RPGRIP1L: variants seen among roughly 807,000 people sequenced by gnomAD.
RPGRIP1L encodes protein fantom.
RPGRIP1L carries 131 observed loss-of-function variants against 160.4 expected under a neutral mutation model. The ratio of observed to expected loss-of-function variants is 0.82; its 90% CI spans 0.71 to 0.94. RPGRIP1L has a LOEUF of 0.94. RPGRIP1L is among the 40% of genes least tolerant of loss of function. The pLI is 0.00. For missense variants in RPGRIP1L, 1,522 were observed against 1,535.8 expected (o/e 0.99, Z 0.15); for synonymous variants, 510 against 515.8 (o/e 0.99, Z 0.15).
chr16:53,681,207 G>C (rs1397126771), intron 6 of RPGRIP1L, among the ~76,000 whole-genome samples: 1 of 152,188 alleles, frequency 6.6e-6, no homozygotes, highest in Admixed American at 6.5e-5. Context: ...CAGAGTGTCT[G>C]AGATACTTAT....
intron 2 of RPGRIP1L, among the ~76,000 whole-genome samples, chr16:53,699,203 A>G (rs1971159661): frequency 6.6e-6 from 1 of 151,854 alleles, no homozygotes; most frequent in African/African-American, 2.4e-5. Flanking sequence ...ATGCTCGTTA[A>G]GAGTCATCAC....
At chr16:53,652,186 C>T (rs1042439892) in intron 15 of RPGRIP1L, among the ~76,000 whole-genome samples, 1 of 152,136 alleles carries the variant, frequency 6.6e-6, no homozygotes, top group Non-Finnish European at 1.5e-5. Context: ...AGCAATTCTG[C>T]CTCAGCCTCC....
chr16:53,647,981 T>C (rs1168790817), intron 16 of RPGRIP1L, among the ~76,000 whole-genome samples: 2 of 151,660 alleles, frequency 1.3e-5, no homozygotes, highest in Non-Finnish European at 2.9e-5. Flanking sequence ...GGCAGGTGCC[T>C]GTAGCCTCAG....
intron 1 of RPGRIP1L, 87 bp from the exon 2 acceptor site, chr16:53,700,817 G>T: frequency 1.0e-6 from 1 of 994,152 alleles, no homozygotes; most frequent in Admixed American, 2.0e-5. Flanking sequence ...ACGAAAAAGG[G>T]ACTAGAACTT....
chr16:53,656,577 C>G lies in RPGRIP1L; in HGVS notation c.1594G>C (p.Ala532Pro). The change falls in exon 14 of 27, where the codon GCA becomes CCA. Residue 532 changes from alanine to proline, a missense_variant. Coordinates refer to ENST00000647211, the MANE Select transcript of RPGRIP1L (RefSeq NM_015272.5). ...INKDYQMEVE[A>P]VTRKMENLQQ... ...AAATTTTCCATCTTACGGGTCACTG[C>G]CTCAACCTCCATCTACAAAATAAGG... is the stretch of plus-strand genomic sequence containing the variant. 1 of 1,609,688 alleles carries G rather than the reference C, an allele frequency of 6.2e-7. No homozygotes were observed. The highest frequency in any genetic ancestry group is 8.5e-7 in the Non-Finnish European group (1 of 1,175,986).
At chr16:53,612,691 G>C (rs927177623) in intron 24 of RPGRIP1L, among the ~76,000 whole-genome samples, 2 of 151,956 alleles carry the variant, frequency 1.3e-5, no homozygotes, top group African/African-American at 4.8e-5. Context: ...ACCTAGACCA[G>C]ATTTGATAAA....
chr16:53,673,310 T>C (rs1968896753), intron 7 of RPGRIP1L, among the ~76,000 whole-genome samples: 1 of 152,212 alleles, frequency 6.6e-6, no homozygotes, highest in Non-Finnish European at 1.5e-5. Context: ...AGTAAATTCA[T>C]TTTAACAATA....
chr16:53,653,265 T>TTA (rs1446677282), intron 14 of RPGRIP1L: 1 of 947,252 alleles, frequency 1.1e-6, no homozygotes, highest in East Asian at 1.2e-4. Context: ...AAAAGCGCTC[T>TTA]TAATGAACAG....
chr16:53,617,784 T>A (rs1964471298), intron 24 of RPGRIP1L, among the ~76,000 whole-genome samples: 1 of 152,072 alleles, frequency 6.6e-6, no homozygotes, highest in Non-Finnish European at 1.5e-5. Context: ...TTTCTAAAAA[T>A]GCCAGATGGG....
intron 2 of RPGRIP1L, among the ~76,000 whole-genome samples, chr16:53,697,804 C>T (rs1017842954): frequency 9.2e-5 from 14 of 151,876 alleles, no homozygotes; most frequent in African/African-American, 2.7e-4. Context: ...AAGTGAGGAG[C>T]GTCTCTGCCT....
At chr16:53,608,127 T>G (rs1963800094) in intron 25 of RPGRIP1L, 1 of 173,098 alleles carries the variant, frequency 5.8e-6, no homozygotes, top group Non-Finnish European at 1.1e-5. Flanking sequence ...AGACCAGCCT[T>G]GCTAACCACC....
At chr16:53,682,339 A>G (rs1291742612) in intron 6 of RPGRIP1L, among the ~76,000 whole-genome samples, 1 of 152,164 alleles carries the variant, frequency 6.6e-6, no homozygotes, top group Non-Finnish European at 1.5e-5. Context: ...CAGAGTAAAT[A>G]ATATAGCCCC....
intron 3 of RPGRIP1L, among the ~76,000 whole-genome samples, chr16:53,692,816 T>A (rs1970479982): frequency 6.6e-6 from 1 of 152,152 alleles, no homozygotes; most frequent in African/African-American, 2.4e-5. Context: ...TCTCCAGGAT[T>A]AAGACACACT....
intron 6 of RPGRIP1L, among the ~76,000 whole-genome samples, chr16:53,682,964 CAT>C (rs1300519447): frequency 6.6e-5 from 10 of 152,198 alleles, no homozygotes; most frequent in Admixed American, 6.5e-4. Context: ...TGTCACTAGA[CAT>C]ATAGGATTTC....
At chr16:53,634,299 G>C (rs1965698452) in intron 22 of RPGRIP1L, among the ~76,000 whole-genome samples, 2 of 152,168 alleles carry the variant, frequency 1.3e-5, no homozygotes, top group Non-Finnish European at 2.9e-5. Flanking sequence ...TGGGGATTAA[G>C]TTTCAACATA....
intron 16 of RPGRIP1L, among the ~76,000 whole-genome samples, chr16:53,647,303 T>TA (rs1195834437): frequency 2.6e-5 from 4 of 152,210 alleles, no homozygotes; most frequent in Non-Finnish European, 5.9e-5. Flanking sequence ...AAAGGGACTT[T>TA]AAGGTTACAG....
At chr16:53,701,749 T>C (rs948129876) in intron 1 of RPGRIP1L, 2 of 151,948 alleles carry the variant, frequency 1.3e-5, no homozygotes, top group African/African-American at 2.4e-5. Flanking sequence ...ATTCATTAAA[T>C]AGTTGTTGAG....
intron 4 of RPGRIP1L, among the ~76,000 whole-genome samples, chr16:53,689,759 A>G (rs1970261839): frequency 5.3e-5 from 8 of 152,198 alleles, no homozygotes; most frequent in Admixed American, 5.2e-4. Flanking sequence ...AGTTTTGGTA[A>G]TGATGCTTCA....
At chr16:53,643,122 T>C (rs374065726) in intron 17 of RPGRIP1L, among the ~76,000 whole-genome samples, 49 of 151,984 alleles carry the variant, frequency 3.2e-4, no homozygotes, top group African/African-American at 1.1e-3. Context: ...CTGGCCAACA[T>C]GGTGGTGAAA....
Sources: allele counts gnomAD v4.1 joint callset (sites outside exome capture counted in the v4.1 genomes callset), GRCh38; gene constraint gnomAD v4.1.1; transcripts MANE v1.5; gene names NCBI Gene and HGNC (gene_info 2026-07-23, HGNC 2026-07-21).